Variants in ERAP1 observed in about 807,000 individuals in gnomAD.
The protein encoded by ERAP1 is adipocyte-derived leucine aminopeptidase.
ERAP1 carries 86 observed loss-of-function variants against 103.7 expected under a neutral mutation model. The ratio of observed to expected loss-of-function variants is 0.83; its 90% CI spans 0.70 to 0.99. The LOEUF (loss-of-function observed/expected upper bound fraction) is 0.99. ERAP1 is among the 50% of genes least tolerant of loss of function. ERAP1 has a pLI of 0.00. For synonymous variants in ERAP1, 398 were observed against 402.4 expected (o/e 0.99, Z 0.13); for missense variants, 1,009 against 1,128.4 (o/e 0.89, Z 1.52).
At chr5:96,867,798 G>A in the ERAP1 span, among the ~76,000 whole-genome samples, 1 of 152,190 alleles carries the variant, frequency 6.6e-6, no homozygotes, top group Non-Finnish European at 1.5e-5. Context: ...TGTGGGCTGG[G>A]TGCAGTGGTT....
At chr5:96,817,438 A>T in the ERAP1 span, among the ~76,000 whole-genome samples, 1 of 152,246 alleles carries the variant, frequency 6.6e-6, no homozygotes, top group Non-Finnish European at 1.5e-5. Flanking sequence ...TATAAATAAG[A>T]AAAAGAAAAA....
chr5:96,766,161 T>C, intron 19 of ERAP1: 4 of 1,415,816 alleles, frequency 2.8e-6, no homozygotes, highest in Non-Finnish European at 4.0e-6. Flanking sequence ...CTGAGGCAAA[T>C]TGCTAGATCG....
chr5:96,928,379 A>C, the ERAP1 span, among the ~76,000 whole-genome samples: 1 of 152,222 alleles, frequency 6.6e-6, no homozygotes. Context: ...GTATTAGTTA[A>C]GATAAGGTCA....
intron 19 of ERAP1, among the ~76,000 whole-genome samples, chr5:96,764,606 G>A (rs1769174120): frequency 6.6e-6 from 1 of 152,112 alleles, no homozygotes; most frequent in Non-Finnish European, 1.5e-5. Flanking sequence ...TGTCTCTGGG[G>A]TTTTGTGCTT....
chr5:96,835,524 G>A, the ERAP1 span, among the ~76,000 whole-genome samples: 17,481 of 151,780 alleles, frequency 0.12, 1,286 homozygotes, highest in Middle Eastern at 0.24. Context: ...AAGTTTATTT[G>A]TACGAAATGA....
At chr5:96,865,962 C>G in the ERAP1 span, among the ~76,000 whole-genome samples, 1 of 152,214 alleles carries the variant, frequency 6.6e-6, no homozygotes, top group South Asian at 2.1e-4. Context: ...TGTTTTTACT[C>G]TACGCATGTA....
the ERAP1 span, among the ~76,000 whole-genome samples, chr5:96,851,840 G>C: frequency 6.6e-6 from 1 of 152,238 alleles, no homozygotes; most frequent in African/African-American, 2.4e-5. Flanking sequence ...ACTGAAAGTG[G>C]CAATAAAGGA....
the ERAP1 span, among the ~76,000 whole-genome samples, chr5:96,865,745 C>T: frequency 6.6e-6 from 1 of 152,176 alleles, no homozygotes; most frequent in Non-Finnish European, 1.5e-5. Context: ...TCTACTACCA[C>T]CTACCACACC....
chr5:96,839,609 G>C, the ERAP1 span, among the ~76,000 whole-genome samples: 4 of 151,924 alleles, frequency 2.6e-5, no homozygotes, highest in Non-Finnish European at 4.4e-5. Context: ...GATATATATC[G>C]ACACGGTCCA....
chr5:96,935,186 A>C, the ERAP1 span: 5 of 152,220 alleles, frequency 3.3e-5, 1 homozygote, highest in South Asian at 6.2e-4. Context: ...GTGTTGATTT[A>C]AGGCTCGGAA....
chr5:96,837,845 G>A, the ERAP1 span, among the ~76,000 whole-genome samples: 1 of 152,150 alleles, frequency 6.6e-6, no homozygotes, highest in East Asian at 1.9e-4. Flanking sequence ...CAGCGTGAAG[G>A]GGAGCTGAAA....
At chr5:96,787,641 C>G (rs960180418) in intron 11 of ERAP1, among the ~76,000 whole-genome samples, 1 of 151,986 alleles carries the variant, frequency 6.6e-6, no homozygotes, top group African/African-American at 2.4e-5. Context: ...AATTTACTGT[C>G]AAACAGTTCA....
At chr5:96,770,876 C>T (rs531191437), downstream of ERAP1, among the ~76,000 whole-genome samples, 15 of 152,176 alleles carry the variant, frequency 9.9e-5, 1 homozygote, top group South Asian at 1.5e-3. Context: ...TAAAATACCA[C>T]CATAGTATGT....
exon 20 of ERAP1, chr5:96,762,668 T>C (rs1768415281): frequency 5.9e-6 from 2 of 339,254 alleles, no homozygotes; most frequent in Non-Finnish European, 1.1e-5. Context: ...ATATTCAAAT[T>C]ACTAGATTTG....
chr5:96,881,457 C>A, the ERAP1 span: 1 of 456,148 alleles, frequency 2.2e-6, no homozygotes, highest in South Asian at 1.5e-5. Context: ...GCTTGGTTTC[C>A]CAGGGCCAGG....
At chr5:96,781,930 G>T in intron 15 of ERAP1, 76 bp from the exon 16 acceptor site, 1 of 1,232,160 alleles carries the variant, frequency 8.1e-7, no homozygotes. Flanking sequence ...GACTAACTAT[G>T]AACTGCTGAA....
At chr5:96,856,349 A>AAATATATATATATATATAT in the ERAP1 span, among the ~76,000 whole-genome samples, 2 of 8,538 alleles carry the variant, frequency 2.3e-4, no homozygotes, top group African/African-American at 3.6e-4. Context: ...AAAAAAAAAA[A>AAATATATATATATATATAT]ATATATATAT....
chr5:96,875,717 T>C, the ERAP1 span, among the ~76,000 whole-genome samples: 2 of 152,168 alleles, frequency 1.3e-5, no homozygotes, highest in African/African-American at 4.8e-5. Flanking sequence ...GTCAGGGTTC[T>C]GGTTCAGGTT....
chr5:96,774,628 A>G lies in ERAP1; in HGVS notation c.*1768T>C, dbSNP rs1467198702. 2.0e-6 allele frequency: 2 copies of G among 985,452 alleles called. No individual in the cohort carries two copies. The highest frequency in any genetic ancestry group is 9.4e-5 in the South Asian group (2 of 21,290). 61.0% of individuals were successfully genotyped at this position (985,452 alleles called of 1,614,324 possible). A position where few individuals can be genotyped will look rare whatever the true frequency, so the allele number is the denominator to read the frequency against. ...ACCAAAACTGAAAATCAATATTTCC[A>G]TGTTTCATTAATCAAGGCATAAAAT... On this transcript the variant is annotated 3_prime_UTR_variant, in exon 19 of 19. Transcript: ENST00000443439.
Sources: allele counts gnomAD v4.1 joint callset (sites outside exome capture counted in the v4.1 genomes callset), GRCh38; gene constraint gnomAD v4.1.1; transcripts MANE v1.5; gene names NCBI Gene and HGNC (gene_info 2026-07-23, HGNC 2026-07-21).